EYS: variants seen among roughly 807,000 people sequenced by gnomAD.
EYS encodes the protein protein eyes shut homolog.
EYS carries 250 observed loss-of-function variants against 282.1 expected under a neutral mutation model. That is an observed-to-expected ratio of 0.89 (90% CI 0.80 to 0.98). EYS has a LOEUF of 0.98. Among genes scored for constraint, EYS ranks in the 50% least tolerant of loss-of-function variants. The probability of loss-of-function intolerance (pLI) is 0.00; values close to 1 mark genes in which losing one functional copy is unlikely to be tolerated. For missense variants in EYS, 4,016 were observed against 3,709.0 expected (o/e 1.08, Z -2.15); for synonymous variants, 1,355 against 1,282.9 (o/e 1.06, Z -1.20).
intron 29 of EYS, among the ~76,000 whole-genome samples, chr6:64,331,433 C>T (rs1770641601): frequency 6.6e-6 from 1 of 152,042 alleles, no homozygotes; most frequent in Admixed American, 6.6e-5. Context: ...ACAGAGGTAA[C>T]TAAGAAGGAA....
intron 30 of EYS, among the ~76,000 whole-genome samples, chr6:64,297,422 T>A (rs1049081466): frequency 2.0e-5 from 3 of 152,214 alleles, no homozygotes; most frequent in Non-Finnish European, 4.4e-5. Context: ...TTGAGAAGTC[T>A]TTAAGAAACT....
intron 5 of EYS, among the ~76,000 whole-genome samples, chr6:65,436,026 C>T (rs1452943426): frequency 2.0e-5 from 3 of 151,976 alleles, no homozygotes; most frequent in Admixed American, 6.6e-5. Flanking sequence ...AGTACATGGC[C>T]CTTTTTTTTA....
chr6:64,239,181 C>G (rs903940191), intron 30 of EYS, among the ~76,000 whole-genome samples: 5 of 152,098 alleles, frequency 3.3e-5, no homozygotes, highest in Non-Finnish European at 7.4e-5. Context: ...GGTTCCAAGT[C>G]TTTGCTATTG....
intron 19 of EYS, among the ~76,000 whole-genome samples, chr6:64,825,556 A>G (rs1432108558): frequency 6.6e-6 from 1 of 151,792 alleles, no homozygotes; most frequent in East Asian, 1.9e-4. Context: ...CCTCTTCCCA[A>G]CCACGAACAA....
At chr6:65,126,253 G>A (rs1366618196) in intron 12 of EYS, among the ~76,000 whole-genome samples, 1 of 151,922 alleles carries the variant, frequency 6.6e-6, no homozygotes, top group Non-Finnish European at 1.5e-5. Flanking sequence ...TTAAATCTTT[G>A]TATCTTCAAT....
intron 35 of EYS, among the ~76,000 whole-genome samples, chr6:63,923,456 A>C (rs978905736): frequency 6.6e-6 from 1 of 152,206 alleles, no homozygotes; most frequent in Non-Finnish European, 1.5e-5. Context: ...TTCTTTTTTA[A>C]AGATGCTAAT....
intron 22 of EYS, among the ~76,000 whole-genome samples, chr6:64,709,428 A>G (rs181950364): frequency 6.6e-6 from 1 of 152,154 alleles, no homozygotes; most frequent in Admixed American, 6.5e-5. Context: ...CTTTATATAA[A>G]TATTTTTTCT....
chr6:64,468,280 A>G (rs928184113), intron 26 of EYS, among the ~76,000 whole-genome samples: 6 of 152,250 alleles, frequency 3.9e-5, no homozygotes, highest in Admixed American at 2.0e-4. Context: ...GATTACAGCT[A>G]AAGAACTCAC....
At chr6:64,752,895 A>G (rs888978819) in intron 22 of EYS, among the ~76,000 whole-genome samples, 3 of 152,182 alleles carry the variant, frequency 2.0e-5, no homozygotes, top group Non-Finnish European at 2.9e-5. Context: ...GAAAATGGAT[A>G]CATTCCTGGA....
chr6:63,834,356 A>G (rs1306899338), intron 36 of EYS, among the ~76,000 whole-genome samples: 1 of 152,120 alleles, frequency 6.6e-6, no homozygotes, highest in Non-Finnish European at 1.5e-5. Flanking sequence ...GCTTTAACAA[A>G]TTTACAAGAA....
At chr6:64,196,155 A>C (rs1018736321) in intron 31 of EYS, among the ~76,000 whole-genome samples, 1 of 152,252 alleles carries the variant, frequency 6.6e-6, no homozygotes, top group Admixed American at 6.5e-5. Context: ...GCTCATCATC[A>C]CTGGCCATCA....
chr6:65,605,608 T>C (rs1382466408), intron 2 of EYS, among the ~76,000 whole-genome samples: 4 of 152,070 alleles, frequency 2.6e-5, no homozygotes, highest in Middle Eastern at 3.4e-3. Flanking sequence ...CATAAGTTTA[T>C]AGTTATCAAA....
rs555187748 is a variant in EYS, at chr6:64,483,033, T to C, written c.5645-43681A>G. 2.6e-5 allele frequency among the ~76,000 whole-genome samples: 4 copies of C among 151,748 alleles called. No individual in the cohort carries two copies. The East Asian group carries it at 5.8e-4, about 22-fold the overall frequency. ...ACTCTGTTGGCCACTAGAGCTGACC[T>C]GAATATGATCAAGTTATGTTTCCTG... On this transcript the variant is annotated intron_variant, in intron 26 of 42. Coordinates refer to ENST00000503581, the MANE Select transcript of EYS (RefSeq NM_001142800.2).
intron 31 of EYS, among the ~76,000 whole-genome samples, chr6:64,178,477 C>T (rs1277365056): frequency 6.6e-6 from 1 of 152,050 alleles, no homozygotes; most frequent in Non-Finnish European, 1.5e-5. Flanking sequence ...CATAGCAAAT[C>T]ACATCAATGA....
At chr6:64,266,469 A>C (rs1380859242) in intron 30 of EYS, among the ~76,000 whole-genome samples, 1 of 152,150 alleles carries the variant, frequency 6.6e-6, no homozygotes, top group Non-Finnish European at 1.5e-5. Flanking sequence ...TCAGGGTGAA[A>C]CTGTCTTCAG....
intron 8 of EYS, among the ~76,000 whole-genome samples, chr6:65,355,848 A>G (rs1764459334): frequency 6.6e-6 from 1 of 152,076 alleles, no homozygotes; most frequent in Non-Finnish European, 1.5e-5. Flanking sequence ...GTGAAGATGC[A>G]GAGAAATGGA....
intron 29 of EYS, among the ~76,000 whole-genome samples, chr6:64,381,842 A>G (rs565613999): frequency 1.3e-5 from 2 of 152,192 alleles, no homozygotes; most frequent in African/African-American, 4.8e-5. Flanking sequence ...AAGTAAGCAA[A>G]TTCATCTAAA....
intron 30 of EYS, among the ~76,000 whole-genome samples, chr6:64,278,600 A>C (rs1768196392): frequency 6.6e-6 from 1 of 152,194 alleles, no homozygotes; most frequent in East Asian, 1.9e-4. Flanking sequence ...TAAAAGTTCA[A>C]ATTTTTCTTG....
At chr6:64,545,523 C>A (rs1002580934) in intron 26 of EYS, among the ~76,000 whole-genome samples, 5 of 152,104 alleles carry the variant, frequency 3.3e-5, no homozygotes, top group Admixed American at 6.5e-5. Context: ...CTGGCCAGGG[C>A]AATCAGACAG....
Sources: allele counts gnomAD v4.1 joint callset (sites outside exome capture counted in the v4.1 genomes callset), GRCh38; gene constraint gnomAD v4.1.1; transcripts MANE v1.5; gene names NCBI Gene and HGNC (gene_info 2026-07-23, HGNC 2026-07-21).